CRACDL: variants seen among roughly 807,000 people sequenced by gnomAD.
CRACDL encodes the protein CRACD like.
A neutral mutation model predicts 70.6 loss-of-function variants in CRACDL; 26 were observed. The observed-to-expected ratio is 0.37, with a 90% CI of 0.27 to 0.51. CRACDL has a LOEUF of 0.51. Ranked by LOEUF, CRACDL falls within the 20% of genes least tolerant of loss-of-function variation. CRACDL has a pLI of 0.94. For synonymous variants in CRACDL, 618 were observed against 615.2 expected (o/e 1.00, Z -0.07); for missense variants, 1,283 against 1,376.9 (o/e 0.93, Z 1.08).
intron 7 of CRACDL, among the ~76,000 whole-genome samples, chr2:98,821,359 T>C (rs570281319): frequency 9.9e-5 from 15 of 152,256 alleles, no homozygotes; most frequent in Admixed American, 6.5e-4. Context: ...AGTTTTAAAA[T>C]TGTTTGTAGA....
chr2:98,827,240 A>G (rs938833212), intron 5 of CRACDL, 71 bp from the exon 6 acceptor site: 21 of 1,081,364 alleles, frequency 1.9e-5, no homozygotes, highest in African/African-American at 9.2e-5. Context: ...CCAACGCAAC[A>G]ATGCTCTTTT....
At chr2:98,801,717 C>G (rs1168198983) in intron 7 of CRACDL, among the ~76,000 whole-genome samples, 1 of 152,208 alleles carries the variant, frequency 6.6e-6, no homozygotes, top group Non-Finnish European at 1.5e-5. Flanking sequence ...TATCCACTGT[C>G]TATACCTCTC....
chr2:98,873,038 C>T (rs567709165), intron 1 of CRACDL, among the ~76,000 whole-genome samples: 5 of 152,260 alleles, frequency 3.3e-5, no homozygotes, highest in East Asian at 1.9e-4. Flanking sequence ...GATTTGGGGC[C>T]GAGGATTTGG....
chr2:98,886,301 C>A (rs1021835301), intron 1 of CRACDL, among the ~76,000 whole-genome samples: 1 of 152,228 alleles, frequency 6.6e-6, no homozygotes, highest in African/African-American at 2.4e-5. Context: ...CCTTTTCTCT[C>A]CCACTGAGGT....
intron 1 of CRACDL, among the ~76,000 whole-genome samples, chr2:98,934,435 T>C (rs1709159230): frequency 6.6e-6 from 1 of 152,096 alleles, no homozygotes; most frequent in Admixed American, 6.5e-5. Flanking sequence ...CCTCAGGCAA[T>C]CCACCTGCCT....
chr2:98,930,037 G>C (rs944006435), intron 1 of CRACDL, among the ~76,000 whole-genome samples: 5 of 152,184 alleles, frequency 3.3e-5, no homozygotes, highest in African/African-American at 1.2e-4. Flanking sequence ...TTCCCCACTG[G>C]TGACCCAATG....
At chr2:98,868,142 G>A (rs1707216394) in intron 1 of CRACDL, among the ~76,000 whole-genome samples, 1 of 152,182 alleles carries the variant, frequency 6.6e-6, no homozygotes, top group Non-Finnish European at 1.5e-5. Context: ...GTTTTACCCA[G>A]TACAAGGCCC....
chr2:98,800,729 G>C (rs1704040390), intron 7 of CRACDL, among the ~76,000 whole-genome samples: 2 of 152,224 alleles, frequency 1.3e-5, no homozygotes, highest in Admixed American at 6.5e-5. Context: ...CCCAACTGAA[G>C]TATGCCTTTG....
At chr2:98,845,253 G>C (rs1366952737) in intron 2 of CRACDL, among the ~76,000 whole-genome samples, 2 of 149,956 alleles carry the variant, frequency 1.3e-5, no homozygotes, top group African/African-American at 4.9e-5. Context: ...CTGGAGTGCA[G>C]TGGCATAATC....
intron 7 of CRACDL, among the ~76,000 whole-genome samples, chr2:98,810,580 T>TCTGG (rs1436912207): frequency 6.6e-5 from 10 of 151,974 alleles, no homozygotes; most frequent in Admixed American, 2.6e-4. Context: ...AAGGTGAACA[T>TCTGG]CACAACTGGC....
At chr2:98,925,803 C>T (rs746018587) in intron 1 of CRACDL, among the ~76,000 whole-genome samples, 35 of 152,026 alleles carry the variant, frequency 2.3e-4, no homozygotes, top group Admixed American at 7.2e-4. Flanking sequence ...GGGAGCAATG[C>T]TCGACAGGTG....
intron 1 of CRACDL, among the ~76,000 whole-genome samples, chr2:98,931,886 C>T (rs910648823): frequency 6.6e-6 from 1 of 152,192 alleles, no homozygotes; most frequent in Non-Finnish European, 1.5e-5. Context: ...CCGACAGAAA[C>T]AGCATCTCTA....
intron 1 of CRACDL, among the ~76,000 whole-genome samples, chr2:98,900,322 G>C (rs1259683616): frequency 7.2e-6 from 1 of 138,200 alleles, no homozygotes; most frequent in South Asian, 2.5e-4. Context: ...GGGAGGCAGG[G>C]GGACAAAGGC....
intron 1 of CRACDL, among the ~76,000 whole-genome samples, chr2:98,907,492 A>G (rs1474569796): frequency 1.3e-5 from 2 of 152,106 alleles, no homozygotes; most frequent in African/African-American, 2.4e-5. Context: ...CACTTTGAAG[A>G]CTTCTGAAGT....
chr2:98,869,055 C>G (rs1004028978), intron 1 of CRACDL: 1 of 1,295,996 alleles, frequency 7.7e-7, no homozygotes, highest in Non-Finnish European at 1.0e-6. Context: ...CCCCCACCAC[C>G]TCTTTGCTCT....
intron 1 of CRACDL, among the ~76,000 whole-genome samples, chr2:98,932,289 A>G (rs1053198405): frequency 6.6e-5 from 10 of 152,210 alleles, no homozygotes; most frequent in African/African-American, 2.4e-4. Flanking sequence ...GTTCTCTTGC[A>G]TCTCACATCC....
chr2:98,909,718 T>A (rs530235135), intron 1 of CRACDL, among the ~76,000 whole-genome samples: 9 of 152,184 alleles, frequency 5.9e-5, no homozygotes, highest in Non-Finnish European at 1.3e-4. Flanking sequence ...GCTCCATCTG[T>A]TAGCACACCT....
chr2:98,836,759 T>C (rs1705800601), intron 3 of CRACDL, among the ~76,000 whole-genome samples: 1 of 152,058 alleles, frequency 6.6e-6, no homozygotes, highest in African/African-American at 2.4e-5. Flanking sequence ...TAACATCTCG[T>C]TCCCCAAGAG....
At chr2:98,861,492 G>A (rs559455906) in intron 1 of CRACDL, among the ~76,000 whole-genome samples, 37 of 152,306 alleles carry the variant, frequency 2.4e-4, no homozygotes, top group African/African-American at 8.7e-4. Flanking sequence ...AATGTAAAAT[G>A]TAGCAGGTAC....
Sources: allele counts gnomAD v4.1 joint callset (sites outside exome capture counted in the v4.1 genomes callset), GRCh38; gene constraint gnomAD v4.1.1; transcripts MANE v1.5; gene names NCBI Gene and HGNC (gene_info 2026-07-23, HGNC 2026-07-21).